Variants in ME1 observed in about 807,000 individuals in gnomAD.
ME1 encodes NADP-dependent malic enzyme.
A neutral mutation model predicts 66.4 loss-of-function variants in ME1; 74 were observed. The observed-to-expected ratio is 1.11, with a 90% confidence interval of 0.92 to 1.35. The LOEUF (loss-of-function observed/expected upper bound fraction) is 1.35, where lower values mean the gene tolerates loss of function less well. Among genes scored for constraint, ME1 ranks in the 40% most tolerant of loss-of-function variants. ME1 has a pLI of 0.00. For synonymous variants in ME1, 251 were observed against 235.6 expected (o/e 1.07, Z -0.60); for missense variants, 750 against 694.1 (o/e 1.08, Z -0.90).
In ME1 at chr6:83,407,800, T is replaced by G; in HGVS notation, c.180A>C (p.Lys60Asn). The G allele has an allele frequency of 1.3e-5, 21 of 1,608,976 alleles. No homozygotes were observed. The highest frequency in any genetic ancestry group is 1.7e-5 in the Non-Finnish European group (20 of 1,178,810). The change falls in exon 2 of 14, where the codon AAA becomes AAC. Residue 60 changes from lysine to asparagine, a missense_variant. Physicochemically the swap from Lys to Asn is moderately conservative, Grantham distance 94 (BLOSUM62 0). Transcript: ENST00000369705. ...SQEIQVLRVV[K>N]NFEHLNSDFD... ...AGTCAGAGTTCAGATGCTCGAAATT[T>G]TTTACTACTCTAAGAACCTGGATCT...
At chr6:83,356,991 T>TA (rs1262953288) in intron 3 of ME1, among the ~76,000 whole-genome samples, 2 of 152,212 alleles carry the variant, frequency 1.3e-5, no homozygotes, top group Non-Finnish European at 2.9e-5. Flanking sequence ...TCAGGTCTCT[T>TA]TGGTCAATCT....
At chr6:83,267,551 A>C (rs1256713109) in intron 6 of ME1, among the ~76,000 whole-genome samples, 1 of 152,202 alleles carries the variant, frequency 6.6e-6, no homozygotes, top group Non-Finnish European at 1.5e-5. Flanking sequence ...AAATGTCTAA[A>C]TAAAACTATG....
chr6:83,428,248 G>A lies in ME1; in HGVS notation c.78+2629C>T, dbSNP rs1266432946. Among the ~76,000 whole-genome samples, 4 of 152,092 alleles carry A rather than the reference G, an allele frequency of 2.6e-5. No individual in the cohort carries two copies. The South Asian group carries it at 8.3e-4, about 32-fold the overall frequency. Reference sequence around the variant, plus strand: ...TAAGTGGAAGCCTACATTGGGGAACGAATAAGATAAATTTGGAGAAGACTG... The same window carrying A: ...TAAGTGGAAGCCTACATTGGGGAACAAATAAGATAAATTTGGAGAAGACTG... On this transcript the variant is annotated intron_variant, in intron 1 of 13. Coordinates refer to ENST00000369705, the MANE Select transcript of ME1 (RefSeq NM_002395.6).
chr6:83,332,005 C>T (rs1768421310), intron 5 of ME1, among the ~76,000 whole-genome samples: 1 of 151,182 alleles, frequency 6.6e-6, no homozygotes, highest in South Asian at 2.1e-4. Flanking sequence ...TTGGCAACAG[C>T]AAAAAAAGAA....
chr6:83,272,642 C>T (rs1311336585), intron 6 of ME1, among the ~76,000 whole-genome samples: 3 of 152,116 alleles, frequency 2.0e-5, no homozygotes, highest in African/African-American at 7.2e-5. Flanking sequence ...CAGTCAGCTA[C>T]TTACCCCCTA....
intron 3 of ME1, among the ~76,000 whole-genome samples, chr6:83,379,718 A>G (rs867476660): frequency 1.3e-5 from 2 of 152,094 alleles, no homozygotes; most frequent in South Asian, 4.1e-4. Flanking sequence ...TACATGTTAT[A>G]ACATTAAACC....
chr6:83,254,300 G>A (rs1482908135), intron 6 of ME1, among the ~76,000 whole-genome samples: 1 of 152,088 alleles, frequency 6.6e-6, no homozygotes, highest in East Asian at 1.9e-4. Context: ...TGAAAGATAC[G>A]GCCAGATCTT....
intron 3 of ME1, among the ~76,000 whole-genome samples, chr6:83,357,935 C>CTCTCTCTCTCTCTCTCTATATATATA (rs1447805761): frequency 6.7e-5 from 2 of 30,040 alleles, no homozygotes; most frequent in Non-Finnish European, 1.2e-4. Context: ...CTCTCTCTCT[C>CTCTCTCTCTCTCTCTCTATATATATA]TATATATATA....
chr6:83,398,974 G>A (rs548738691), intron 2 of ME1, among the ~76,000 whole-genome samples: 39 of 151,926 alleles, frequency 2.6e-4, no homozygotes, highest in African/African-American at 8.0e-4. Context: ...CACCACACCC[G>A]GCTTATTTTT....
chr6:83,353,750 T>G (rs544296396), intron 3 of ME1, among the ~76,000 whole-genome samples: 24 of 152,186 alleles, frequency 1.6e-4, no homozygotes, highest in Non-Finnish European at 3.4e-4. Flanking sequence ...TATAGTAGTT[T>G]TGGATAGATT....
intron 7 of ME1, among the ~76,000 whole-genome samples, chr6:83,248,783 A>G (rs747505550): frequency 1.3e-5 from 2 of 152,172 alleles, no homozygotes; most frequent in Non-Finnish European, 2.9e-5. Context: ...CTCCTCAGCC[A>G]TAAGAAAGTG....
rs1216594783 is a variant in ME1 at position 83,256,492 on chromosome 6, T to C, written c.705-2754A>G. 7.2e-5 allele frequency among the ~76,000 whole-genome samples: 11 copies of C among 152,264 alleles called. 1 individual carries two copies. The South Asian group carries it at 2.3e-3, about 32-fold the overall frequency. ...AATGCAAATCAAAACCACAGTGAGATACCGTCTCACACCAGTTAGAATGGT... is the reference window on the plus strand; with the variant it reads ...AATGCAAATCAAAACCACAGTGAGACACCGTCTCACACCAGTTAGAATGGT... On this transcript the variant is annotated intron_variant, in intron 6 of 13. Transcript: ENST00000369705.
At chr6:83,354,099 C>T (rs1768845005) in intron 3 of ME1, among the ~76,000 whole-genome samples, 2 of 152,110 alleles carry the variant, frequency 1.3e-5, no homozygotes, top group Admixed American at 1.3e-4. Flanking sequence ...TCTCCAGCTA[C>T]ACTCACTGAT....
Position 83,385,001 on chromosome 6 carries a change from T to C in ME1, c.362+13366A>G, listed in dbSNP as rs182971768. ...ATTCTGAGGCTATGCCATGCAAGCA[T>C]ACACTTTCTTCTATATGAACATCTT... On this transcript the variant is annotated intron_variant, in intron 3 of 13. Transcript: ENST00000369705. 5.3e-5 allele frequency among the ~76,000 whole-genome samples: 8 copies of C among 151,890 alleles called. No homozygotes were observed. The South Asian group carries it at 1.4e-3, about 28-fold the overall frequency.
intron 6 of ME1, among the ~76,000 whole-genome samples, chr6:83,301,826 A>G (rs557115176): frequency 6.6e-6 from 1 of 152,174 alleles, no homozygotes; most frequent in Admixed American, 6.5e-5. Flanking sequence ...AGAGCAAAGG[A>G]AACACTTATA....
chr6:83,283,248 A>AAAAAAAAG (rs70987744), intron 6 of ME1, among the ~76,000 whole-genome samples: 1 of 139,612 alleles, frequency 7.2e-6, no homozygotes. Flanking sequence ...AAAAAAAAAA[A>AAAAAAAAG]TGATGAGTTC....
In ME1 at chr6:83,315,345, AT is replaced by A; in HGVS notation, c.668del (p.Asp223ValfsTer16). The A allele has an allele frequency of 6.2e-7, 1 of 1,612,238 alleles. No individual in the cohort carries two copies. The highest frequency in any genetic ancestry group is 8.5e-7 in the Non-Finnish European group (1 of 1,178,954). ...QRRVRGSEYD[D>X]FLDEFMEAVS... ...CTGCCTCCATGAATTCGTCCAAAAA[AT>A]CATCATATTCAGAACCTCTTACTCT... On this transcript the variant is annotated frameshift_variant, in exon 6 of 14. Coordinates refer to ENST00000369705, the MANE Select transcript of ME1 (RefSeq NM_002395.6). LOFTEE classifies it high-confidence loss of function.
chr6:83,333,008 G>A (rs1341480204), intron 5 of ME1, among the ~76,000 whole-genome samples: 1 of 152,190 alleles, frequency 6.6e-6, no homozygotes, highest in African/African-American at 2.4e-5. Flanking sequence ...GTTGAAAGCT[G>A]CAGAAGCTTA....
At chr6:83,375,079 G>A (rs961792615) in intron 3 of ME1, among the ~76,000 whole-genome samples, 1 of 151,960 alleles carries the variant, frequency 6.6e-6, no homozygotes, top group Non-Finnish European at 1.5e-5. Context: ...GGCTATATGG[G>A]GTCTTCTTTG....
Sources: allele counts gnomAD v4.1 joint callset (sites outside exome capture counted in the v4.1 genomes callset), GRCh38; gene constraint gnomAD v4.1.1; transcripts MANE v1.5; gene names NCBI Gene and HGNC (gene_info 2026-07-23, HGNC 2026-07-21).